The following ZBTB17 variants were observed in gnomAD, a reference collection of about 807,000 sequenced individuals.
The protein encoded by ZBTB17 is zinc finger and BTB domain containing 17.
A neutral mutation model predicts 85.1 loss-of-function variants in ZBTB17; 24 were observed. The ratio of observed to expected loss-of-function variants is 0.28; its 90% CI spans 0.20 to 0.40. The LOEUF is 0.40. Among genes scored for constraint, ZBTB17 ranks in the 10% least tolerant of loss-of-function variants. The probability of loss-of-function intolerance (pLI) is 1.00; values close to 1 mark genes in which losing one functional copy is unlikely to be tolerated. For synonymous variants in ZBTB17, 464 were observed against 460.2 expected (o/e 1.01, Z -0.11); for missense variants, 743 against 1,105.1 (o/e 0.67, Z 4.65).
chr1:15,959,382 C>A (rs2072165857), intron 2 of ZBTB17, among the ~76,000 whole-genome samples: 1 of 152,044 alleles, frequency 6.6e-6, no homozygotes, highest in Admixed American at 6.6e-5. Flanking sequence ...AGGAGCTCAA[C>A]TTTTCACTAT....
chr1:15,963,801 T>C (rs545113046), intron 2 of ZBTB17, among the ~76,000 whole-genome samples: 24 of 152,248 alleles, frequency 1.6e-4, no homozygotes, highest in Middle Eastern at 3.4e-3. Context: ...GCTGAACTAA[T>C]GATGCTCATA....
intron 12 of ZBTB17, 33 bp from the exon 13 acceptor site, chr1:15,943,227 C>T: frequency 1.2e-6 from 2 of 1,613,852 alleles, no homozygotes; most frequent in Non-Finnish European, 1.7e-6. Context: ...TCGCATGGAA[C>T]TGCCCCAACC....
chr1:15,955,404 C>T (rs2072010345), intron 2 of ZBTB17, among the ~76,000 whole-genome samples: 1 of 152,176 alleles, frequency 6.6e-6, no homozygotes, highest in Admixed American at 6.5e-5. Flanking sequence ...TTTAAAATCA[C>T]TTTCTCCTTT....
rs113294616 is a variant in ZBTB17, at chr1:15,975,112, G to T, written c.-90+871C>A. Among the ~76,000 whole-genome samples the T allele has an allele frequency of 6.3e-3, 955 of 152,320 alleles. 4 individuals carry two copies. Among genetic ancestry groups the T allele is most frequent in the South Asian group, 0.012 (56 of 4,832 alleles). On this transcript the variant is annotated intron_variant, in intron 1 of 15. Coordinates refer to ENST00000375743, the MANE Select transcript of ZBTB17 (RefSeq NM_003443.3). The stretch of plus-strand genomic sequence containing the variant: ...GCTTTCTGCCCTCGCAGCAGTATCA[G>T]AATTGCTGATTTACCTGTATGTCTC...
At chr1:15,969,526 C>G in intron 2 of ZBTB17, 1 of 325,450 alleles carries the variant, frequency 3.1e-6, no homozygotes, top group Non-Finnish European at 6.0e-6. Context: ...GGGCACGAGG[C>G]AGTAGTGTGG....
chr1:15,957,904 T>TG (rs1223732550), intron 2 of ZBTB17, among the ~76,000 whole-genome samples: 1 of 152,004 alleles, frequency 6.6e-6, no homozygotes, highest in Non-Finnish European at 1.5e-5. Context: ...GGAGACTCCG[T>TG]GGGGGGAATC....
intron 2 of ZBTB17, among the ~76,000 whole-genome samples, chr1:15,955,685 C>G (rs1271635927): frequency 6.6e-6 from 1 of 152,206 alleles, no homozygotes; most frequent in Non-Finnish European, 1.5e-5. Context: ...TGCAATGGCT[C>G]ACACCTGTAA....
chr1:15,961,049 C>T (rs767093860), intron 2 of ZBTB17, among the ~76,000 whole-genome samples: 3 of 151,588 alleles, frequency 2.0e-5, no homozygotes, highest in East Asian at 1.9e-4. Flanking sequence ...ACAAGGTCAA[C>T]GCTGCAGTGA....
Position 15,945,104 on chromosome 1 carries a change from C to G in ZBTB17, c.760G>C (p.Gly254Arg). 1.2e-6 allele frequency: 2 copies of G among 1,610,130 alleles called. No individual in the cohort carries two copies. Among genetic ancestry groups the G allele is most frequent in the Non-Finnish European group, 1.7e-6 (2 of 1,178,514 alleles). ...GAGPAEVKEE[G>R]SQLENGEAPE... ...GCCTCTCCGTTCTCCAGCTGGGAACCCTCCTCCTTGACCTCAGCTGGCCCT... is the reference window on the plus strand; with the variant it reads ...GCCTCTCCGTTCTCCAGCTGGGAACGCTCCTCCTTGACCTCAGCTGGCCCT... Residue 254 changes from glycine (G) to arginine (R), a missense_variant, in exon 7 of 16, where the codon GGT becomes CGT. Physicochemically the swap from Gly to Arg is moderately radical, Grantham distance 125. Transcript: ENST00000375743.
Position 15,942,395 on chromosome 1 carries a change from T to C in ZBTB17, c.2064A>G (p.Thr688=). The C allele has an allele frequency of 6.2e-7, 1 of 1,613,670 alleles. No homozygotes were observed. Among genetic ancestry groups the C allele is most frequent in the Non-Finnish European group, 8.5e-7 (1 of 1,180,014 alleles). The change falls in exon 15 of 16, where the codon ACA becomes ACG. Residue 688 remains threonine (T), a synonymous_variant. Coordinates refer to ENST00000375743, the MANE Select transcript of ZBTB17 (RefSeq NM_003443.3). ...LTVVPVGAAV[T]ADETEVLKAE... ...CCTTCAGGACTTCCGTCTCATCGGC[T>C]GTCACTGCAGCTCCCACCGGCACCA...
In ZBTB17 at chr1:15,941,942, A is replaced by G. The variant is rs1557767694; in HGVS notation, c.*27T>C. 1 of 1,568,556 alleles carries G rather than the reference A, an allele frequency of 6.4e-7. No homozygotes were observed. Among genetic ancestry groups the G allele is most frequent in the Non-Finnish European group, 8.6e-7 (1 of 1,165,790 alleles). ...CGGTTCCAGGGTGCCATCCATCCTT[A>G]AATAAACAGTCAGAAGGGCCGCCAG... is the stretch of plus-strand genomic sequence containing the variant. On this transcript the variant is annotated 3_prime_UTR_variant, in exon 16 of 16. Coordinates refer to ENST00000375743, the MANE Select transcript of ZBTB17 (RefSeq NM_003443.3).
In ZBTB17 at chr1:15,943,175, A is replaced by G. The variant is rs745544841; in HGVS notation, c.1717T>C (p.Leu573=). The G allele has an allele frequency of 3.1e-6, 5 of 1,613,998 alleles. No homozygotes were observed. Among genetic ancestry groups the G allele is most frequent in the Non-Finnish European group, 3.4e-6 (4 of 1,180,008 alleles). ...TCGTGGTGGCGAATATGATTGGCCA[A>G]CTGGCTGGACTGGACGAATCTGTGG... ...CGKRFVQSSQ[L]ANHIRHHDNI... Residue 573 remains leucine (L), a synonymous_variant, in exon 13 of 16, where the codon TTG becomes CTG. Transcript: ENST00000375743.
chr1:15,957,362 G>A (rs1039248898), intron 2 of ZBTB17, among the ~76,000 whole-genome samples: 4 of 125,118 alleles, frequency 3.2e-5, no homozygotes, highest in African/African-American at 1.1e-4. Flanking sequence ...CACAGGGGCC[G>A]GTGTGTGTGG....
chr1:15,975,943 C>T, intron 1 of ZBTB17, 40 bp downstream of exon 1: 1 of 698,028 alleles, frequency 1.4e-6, no homozygotes, highest in South Asian at 1.5e-5. Context: ...CGCCCCGGCT[C>T]CCGGGACTTC....
intron 2 of ZBTB17, among the ~76,000 whole-genome samples, chr1:15,972,638 TGA>T (rs1373074551): frequency 2.6e-5 from 4 of 152,168 alleles, no homozygotes; most frequent in African/African-American, 7.2e-5. Context: ...GCTTGGACCA[TGA>T]GATGGAAGCC....
At chr1:15,969,741 C>T in intron 2 of ZBTB17, 1 of 488,684 alleles carries the variant, frequency 2.0e-6, no homozygotes, top group Non-Finnish European at 4.0e-6. Flanking sequence ...TGGGAGCACT[C>T]ACTGTGGGCC....
chr1:15,959,377 C>T (rs1348759498), intron 2 of ZBTB17, among the ~76,000 whole-genome samples: 1 of 152,060 alleles, frequency 6.6e-6, no homozygotes, highest in African/African-American at 2.4e-5. Context: ...GGGGAAGGAG[C>T]TCAACTTTTC....
rs1162475854 is a variant in ZBTB17, at chr1:15,946,958, T to C, written c.371A>G (p.Asn124Ser). Residue 124 changes from asparagine to serine, a missense_variant, in exon 4 of 16, where the codon AAT becomes AGT. This residue lies in a region of ZBTB17 where 279 missense variants were observed against 269.9 expected (regional missense o/e 1.03). Coordinates refer to ENST00000375743, the MANE Select transcript of ZBTB17 (RefSeq NM_003443.3). ...LAEPATSPGGNAEALATEGGD... is the reference protein window; with the variant it reads ...LAEPATSPGGSAEALATEGGD... ...ACCTTCTGTGGCCAAGGCCTCCGCA[T>C]TTCCCCCAGGGCTGGTAGCCGGCTC... 1.2e-6 allele frequency: 2 copies of C among 1,612,160 alleles called. No homozygotes were observed. Among genetic ancestry groups the C allele is most frequent in the East Asian group, 2.2e-5 (1 of 44,840 alleles).
rs747852246 is a variant in ZBTB17 at position 15,942,125 on chromosome 1, G to A, written c.2256C>T (p.Asp752=). The A allele has an allele frequency of 1.1e-5, 17 of 1,613,382 alleles. No homozygotes were observed. The highest frequency in any genetic ancestry group is 3.3e-5 in the Admixed American group (2 of 60,010). Residue 752 remains aspartate, a synonymous_variant, in exon 16 of 16, where the codon GAC becomes GAT. Coordinates refer to ENST00000375743, the MANE Select transcript of ZBTB17 (RefSeq NM_003443.3). ...QALVMFQTDA[D]FYQQYGPGGT... ...CACCTGGCCCATACTGCTGATAGAA[G>A]TCCGCGTCTGTCTGGAACATGACCA... is the stretch of plus-strand genomic sequence containing the variant.
Sources: allele counts gnomAD v4.1 joint callset (sites outside exome capture counted in the v4.1 genomes callset), GRCh38; gene constraint gnomAD v4.1.1; regional missense constraint gnomAD v4.1.1; transcripts MANE v1.5; gene names NCBI Gene and HGNC (gene_info 2026-07-23, HGNC 2026-07-21).